The following RENBP variants were observed in gnomAD, a reference collection of about 807,000 sequenced individuals.
RENBP encodes N-acylglucosamine 2-epimerase.
Under a neutral mutation model 37.8 loss-of-function variants are expected in RENBP, and 16 were observed. The ratio of observed to expected loss-of-function variants is 0.42; its 90% CI spans 0.29 to 0.64. RENBP has a LOEUF of 0.64. Among genes scored for constraint, RENBP ranks in the 30% least tolerant of loss-of-function variants. The probability of loss-of-function intolerance (pLI) is 0.19; values close to 1 mark genes in which losing one functional copy is unlikely to be tolerated. For synonymous variants in RENBP, 170 were observed against 154.8 expected, an observed-to-expected ratio of 1.10 and a Z score of -0.73; for missense variants, 347 against 379.5, an observed-to-expected ratio of 0.91 and a Z score of 0.71.
intron 9 of RENBP, among the ~76,000 whole-genome samples, chrX:153,939,102 T>C (rs1603291819): frequency 1.8e-5 from 2 of 109,800 alleles, no homozygotes; most frequent in Non-Finnish European, 3.8e-5. Flanking sequence ...CCTTTTTTTT[T>C]TGAGACATAG....
chrX:153,943,816 T>A, intron 4 of RENBP, 79 bp downstream of exon 4: 11 of 1,174,712 alleles, frequency 9.4e-6, no homozygotes, highest in Non-Finnish European at 1.0e-5. Context: ...TCTAGATCCC[T>A]CTAGGAACTC....
chrX:153,940,053 C>A (rs1557109261), intron 9 of RENBP, 49 bp downstream of exon 9: 3 of 1,195,714 alleles, frequency 2.5e-6, no homozygotes, highest in Middle Eastern at 2.3e-4. Context: ...GCCAGACTCC[C>A]CCCATTCCCC....
At chrX:153,943,284 C>A (rs1019264762) in intron 5 of RENBP, among the ~76,000 whole-genome samples, 2 of 112,668 alleles carry the variant, frequency 1.8e-5, no homozygotes, top group East Asian at 5.6e-4. Context: ...GGGGTGCAGC[C>A]CCTTCCAGGC....
intron 8 of RENBP, among the ~76,000 whole-genome samples, chrX:153,941,166 A>AAAAAAAAAAAAAAAAAAAAAAAAAAGAGG (rs1225104036): frequency 1.0e-5 from 1 of 99,152 alleles, no homozygotes; most frequent in Admixed American, 1.1e-4. Context: ...AAAAAAAAAA[A>AAAAAAAAAAAAAAAAAAAAAAAAAAGAGG]GGCAACCAGC....
intron 1 of RENBP, 69 bp downstream of exon 1, chrX:153,944,515 G>C (rs1219611596): frequency 8.6e-7 from 1 of 1,163,323 alleles, no homozygotes; most frequent in Non-Finnish European, 1.2e-6. Context: ...ACCTCTGCAC[G>C]GGGCTTCAGA....
intron 9 of RENBP, 89 bp from the exon 10 acceptor site, chrX:153,935,665 C>T: frequency 2.7e-6 from 2 of 728,793 alleles, no homozygotes; most frequent in Non-Finnish European, 4.3e-6. Context: ...CCTGGGTTGA[C>T]CCCAGGTGAC....
At chrX:153,935,640 T>C (rs782423931) in intron 9 of RENBP, 64 bp from the exon 10 acceptor site, 85 of 953,831 alleles carry the variant, frequency 8.9e-5, no homozygotes, top group Non-Finnish European at 1.2e-4. Context: ...ACTGCATCGC[T>C]ACCAGGGGTC....
rs1339068321 is a variant in RENBP, at chrX:153,944,640, A to G, written c.-30T>C. 7 of 1,157,538 alleles carry G rather than the reference A, an allele frequency of 6.0e-6. No homozygotes were observed. In the Admixed American group the frequency reaches 1.8e-4, roughly 30 times the overall value. ...CCTGCTCCTCTAGGAAGCCAGACAG[A>G]GTTGGTCGCGGTCCCGTGACTGTCA... On this transcript the variant is annotated 5_prime_UTR_variant, in exon 1 of 11. Transcript: ENST00000393700.
At chrX:153,941,870 A>G (rs1386750422) in intron 7 of RENBP, 80 bp downstream of exon 7, 3 of 920,791 alleles carry the variant, frequency 3.3e-6, no homozygotes, top group African/African-American at 3.9e-5. Context: ...CCCGCCAGGC[A>G]CTCCCATATC....
chrX:153,939,649 C>A (rs2065218047), intron 9 of RENBP, among the ~76,000 whole-genome samples: 1 of 111,548 alleles, frequency 9.0e-6, no homozygotes, highest in African/African-American at 3.3e-5. Flanking sequence ...TGGAATCAGA[C>A]CAGGCAGCTG....
intron 6 of RENBP, 102 bp from the exon 7 acceptor site, chrX:153,942,133 C>T (rs56192811): frequency 1.6e-6 from 1 of 634,466 alleles, no homozygotes; most frequent in African/African-American, 2.2e-5. Flanking sequence ...CTCCCTCCCT[C>T]TTACCCAAGC....
chrX:153,943,946 G>A lies in RENBP; in HGVS notation c.238C>T (p.Arg80Cys), dbSNP rs2065238469. 2 of 1,194,120 alleles carry A rather than the reference G, an allele frequency of 1.7e-6. No individual in the cohort carries two copies. The highest frequency in any genetic ancestry group is 1.8e-5 in the South Asian group (1 of 55,241). The change falls in exon 4 of 11, where the codon CGC (arginine) becomes TGC (cysteine). Residue 80 changes from arginine to cysteine, a missense_variant. Around this residue, in one of 3 missense-constraint regions of RENBP, gnomAD observed 244 missense variants for 279.4 expected, o/e 0.87. Coordinates refer to ENST00000393700, the MANE Select transcript of RENBP (RefSeq NM_002910.6). ...RQVWMYCRLYRTFERFRHAQL... is the reference protein window; with the variant it reads ...RQVWMYCRLYCTFERFRHAQL... ...GCATGGCGGAAGCGCTCGAAAGTGCGGTACAGGCGACAATACATCCATACC... is the reference window on the plus strand; with the variant it reads ...GCATGGCGGAAGCGCTCGAAAGTGCAGTACAGGCGACAATACATCCATACC...
At position 153,941,950 on chromosome X, in the gene RENBP, C is replaced by CCCAGGGG; in HGVS notation, c.768_769insCCCCTGG (p.Gly257ProfsTer30). On this transcript the variant is annotated frameshift_variant and splice_region_variant, in exon 7 of 11. Coordinates refer to ENST00000393700, the MANE Select transcript of RENBP (RefSeq NM_002910.6). LOFTEE classifies it high-confidence loss of function. ...GCCCCCAGCCCACCCCGCCCCTCAC[C>CCCAGGGG]TGGGTTCTGCTGTCTCCCCAGGCAG... 3 of 1,130,631 alleles carry CCCAGGGG rather than the reference C, an allele frequency of 2.7e-6. No homozygotes were observed. Among genetic ancestry groups the CCCAGGGG allele is most frequent in the Non-Finnish European group, 3.6e-6 (3 of 823,200 alleles). The allele number at this position is 1,130,631 out of a possible 1,213,427, so 93.2% of individuals were successfully genotyped here.
chrX:153,935,394 G>C lies in RENBP; in HGVS notation c.1176C>G (p.His392Gln). Residue 392 changes from histidine to glutamine, a missense_variant, in exon 11 of 11, where the codon CAC becomes CAG. By Grantham distance (24) the His-to-Gln change is conservative (BLOSUM62 0). Coordinates refer to ENST00000393700, the MANE Select transcript of RENBP (RefSeq NM_002910.6). ...IKGGPFKGCF[H>Q]VPRCLAMCEE... ...CGCACATGGCTAGGCACCGCGGCAC[G>C]TGGAAGCAGCCTGCGGGTAGAGGCG... The C allele has an allele frequency of 8.7e-7, 1 of 1,152,892 alleles. No individual in the cohort carries two copies. The highest frequency in any genetic ancestry group is 1.2e-6 in the Non-Finnish European group (1 of 862,751).
chrX:153,942,788 C>T (rs2065232867), intron 6 of RENBP, 67 bp downstream of exon 6: 3 of 930,143 alleles, frequency 3.2e-6, no homozygotes, highest in African/African-American at 1.9e-5. Context: ...TGTCGAGCCC[C>T]AGGGTGCCCA....
Position 153,942,935 on chromosome X carries a change from C to T in RENBP, c.607G>A (p.Gly203Arg), listed in dbSNP as rs782174022. The T allele has an allele frequency of 9.9e-6, 12 of 1,211,420 alleles. No individual in the cohort carries two copies. The highest frequency in any genetic ancestry group is 1.8e-5 in the South Asian group (1 of 57,060). ...CCCGCCAGCTCCTCATCTGCCTCCC[C>T]GAGCTGCTCCACCAGGTTCAGTAGC... ...MMLLNLVEQL[G>R]EADEELAGKY... Residue 203 changes from glycine (G) to arginine (R), a missense_variant, in exon 6 of 11, where the codon GGG becomes AGG. This residue lies in a region of RENBP where 244 missense variants were observed against 279.4 expected (regional missense o/e 0.87). Transcript: ENST00000393700.
At chrX:153,937,932 T>C (rs1319580053) in intron 9 of RENBP, among the ~76,000 whole-genome samples, 1 of 111,253 alleles carries the variant, frequency 9.0e-6, no homozygotes, top group Non-Finnish European at 1.9e-5. Flanking sequence ...GGTTTCGCCA[T>C]GTTGACCAGG....
At chrX:153,936,095 T>C (rs976506185) in intron 9 of RENBP, 11 of 135,117 alleles carry the variant, frequency 8.1e-5, no homozygotes, top group Non-Finnish European at 1.2e-4. Flanking sequence ...ATCACGCCAT[T>C]GCGCTCCAGC....
At position 153,943,942 on chromosome X, in the gene RENBP, G is replaced by A. The variant is rs1876193194; in HGVS notation, c.242C>T (p.Thr81Ile). 2 of 1,192,967 alleles carry A rather than the reference G, an allele frequency of 1.7e-6. No individual in the cohort carries two copies. Among genetic ancestry groups the A allele is most frequent in the Non-Finnish European group, 2.3e-6 (2 of 885,605 alleles). The change falls in exon 4 of 11, where the codon ACT becomes ATT. Residue 81 changes from threonine (T) to isoleucine (I), a missense_variant. Thr to Ile is a moderately conservative substitution (Grantham distance 89). Transcript: ENST00000393700. ...QVWMYCRLYR[T>I]FERFRHAQLL... ...CTGAGCATGGCGGAAGCGCTCGAAA[G>A]TGCGGTACAGGCGACAATACATCCA...
Sources: gnomAD v4.1 joint callset for allele counts (sites outside exome capture counted in the v4.1 genomes callset) on GRCh38, gnomAD v4.1.1 for gene constraint, gnomAD v4.1.1 regional missense constraint, MANE v1.5 for transcripts, NCBI Gene and HGNC (gene_info 2026-07-23, HGNC 2026-07-21) for gene names.